The following MATCAP2 variants were observed in gnomAD, a reference collection of about 807,000 sequenced individuals.
MATCAP2 encodes the protein putative tyrosine carboxypeptidase MATCAP2.
the MATCAP2 span, among the ~76,000 whole-genome samples, chr7:36,375,169 G>A: frequency 3.9e-5 from 6 of 152,098 alleles, no homozygotes; most frequent in East Asian, 1.9e-4. Flanking sequence ...GTGTAAAAGC[G>A]TTCCTATTTC....
chr7:36,333,740 A>G, the MATCAP2 span: 1 of 923,760 alleles, frequency 1.1e-6, no homozygotes, highest in Non-Finnish European at 1.6e-6. Context: ...ACCTCAGGTA[A>G]CAAAGATTTC....
chr7:36,326,534 C>T, the MATCAP2 span: 18 of 330,868 alleles, frequency 5.4e-5, no homozygotes, highest in South Asian at 7.2e-4. Context: ...CTGACTCTGT[C>T]GAGATTCAGA....
At chr7:36,339,312 A>G in the MATCAP2 span, among the ~76,000 whole-genome samples, 1 of 152,238 alleles carries the variant, frequency 6.6e-6, no homozygotes, top group Non-Finnish European at 1.5e-5. Context: ...TTAAGTTATC[A>G]TAATAAGAAA....
the MATCAP2 span, among the ~76,000 whole-genome samples, chr7:36,368,922 T>C: frequency 6.6e-6 from 1 of 152,236 alleles, no homozygotes; most frequent in Non-Finnish European, 1.5e-5. Context: ...CACCTCTTCG[T>C]GAGCCCTTCC....
chr7:36,328,334 C>T, the MATCAP2 span, among the ~76,000 whole-genome samples: 3 of 148,510 alleles, frequency 2.0e-5, no homozygotes, highest in Admixed American at 2.0e-4. Flanking sequence ...GCTGTGATTA[C>T]AGGTGTGAGC....
chr7:36,351,616 A>G, the MATCAP2 span, among the ~76,000 whole-genome samples: 2 of 152,122 alleles, frequency 1.3e-5, no homozygotes, highest in African/African-American at 4.8e-5. Context: ...GTTACTCTTG[A>G]CAGCACAGAA....
the MATCAP2 span, among the ~76,000 whole-genome samples, chr7:36,373,006 G>A: frequency 6.6e-6 from 1 of 151,746 alleles, no homozygotes; most frequent in South Asian, 2.1e-4. Context: ...TCGGGAGGCT[G>A]AGCCAGGAGG....
chr7:36,360,165 A>C, the MATCAP2 span, among the ~76,000 whole-genome samples: 1 of 152,196 alleles, frequency 6.6e-6, no homozygotes, highest in Non-Finnish European at 1.5e-5. Context: ...ATGAATACTC[A>C]ATGTGAAAAT....
the MATCAP2 span, chr7:36,335,136 T>C: frequency 2.5e-6 from 4 of 1,613,980 alleles, no homozygotes; most frequent in South Asian, 1.1e-5. Context: ...ACTACTGTCA[T>C]TGACGCTCGG....
At chr7:36,343,684 AAAG>A in the MATCAP2 span, among the ~76,000 whole-genome samples, 18 of 151,170 alleles carry the variant, frequency 1.2e-4, no homozygotes, top group African/African-American at 4.4e-4. Flanking sequence ...GGAAGGAAGG[AAAG>A]AAGGAAGGAA....
the MATCAP2 span, among the ~76,000 whole-genome samples, chr7:36,360,309 A>T: frequency 6.6e-6 from 1 of 151,228 alleles, no homozygotes; most frequent in Admixed American, 6.6e-5. Context: ...TCCAGATACT[A>T]AAAAAAAACG....
chr7:36,379,843 C>CAGAGAGAGAGAGAG, the MATCAP2 span, among the ~76,000 whole-genome samples: 1,090 of 127,050 alleles, frequency 8.6e-3, 8 homozygotes, highest in Non-Finnish European at 0.015. Flanking sequence ...CACACACACA[C>CAGAGAGAGAGAGAG]ACACAGAGAG....
At chr7:36,370,551 G>T in the MATCAP2 span, among the ~76,000 whole-genome samples, 1 of 151,942 alleles carries the variant, frequency 6.6e-6, no homozygotes, top group Non-Finnish European at 1.5e-5. Context: ...GCGCAATCTT[G>T]GCTCACTGCA....
At chr7:36,353,361 G>A in the MATCAP2 span, among the ~76,000 whole-genome samples, 8 of 152,264 alleles carry the variant, frequency 5.3e-5, no homozygotes, top group Non-Finnish European at 1.2e-4. Context: ...CTGAGAGTAA[G>A]CTGTTCATGA....
the MATCAP2 span, among the ~76,000 whole-genome samples, chr7:36,348,628 T>C: frequency 6.6e-6 from 1 of 152,250 alleles, no homozygotes; most frequent in Admixed American, 6.5e-5. Context: ...GTCACTTTTA[T>C]GCAGTTTTAT....
chr7:36,337,122 A>AAAAAAAAAAAAAAAAAAAAAAAAAC, the MATCAP2 span, among the ~76,000 whole-genome samples: 1 of 147,098 alleles, frequency 6.8e-6, no homozygotes, highest in Non-Finnish European at 1.5e-5. Flanking sequence ...AAAAAAAAAA[A>AAAAAAAAAAAAAAAAAAAAAAAAAC]AAAGCAATCA....
At chr7:36,357,272 C>G in the MATCAP2 span, 2 of 1,614,038 alleles carry the variant, frequency 1.2e-6, no homozygotes, top group African/African-American at 2.7e-5. Context: ...CCTCTCCAGG[C>G]AGTACCAAGT....
At chr7:36,326,875 G>A in the MATCAP2 span, 9 of 1,613,754 alleles carry the variant, frequency 5.6e-6, no homozygotes, top group Non-Finnish European at 7.6e-6. Flanking sequence ...CATGTTTTCG[G>A]TAACTGCCAA....
the MATCAP2 span, chr7:36,336,252 C>G: frequency 6.5e-7 from 1 of 1,533,576 alleles, no homozygotes; most frequent in South Asian, 1.2e-5. Context: ...TCAAATTTTT[C>G]ATAACTTCCA....
Sources: allele counts gnomAD v4.1 joint callset (sites outside exome capture counted in the v4.1 genomes callset), GRCh38; gene constraint gnomAD v4.1.1; transcripts MANE v1.5; gene names NCBI Gene and HGNC (gene_info 2026-07-23, HGNC 2026-07-21).